ST3GAL6: variants seen among roughly 807,000 people sequenced by gnomAD.
ST3GAL6 encodes type 2 lactosamine alpha-2,3-sialyltransferase.
In ST3GAL6, 31 loss-of-function variants were observed where a neutral mutation model predicts 40.5. The observed-to-expected ratio is 0.77, with a 90% CI of 0.58 to 1.03. ST3GAL6 has a LOEUF of 1.03. ST3GAL6 is among the 50% of genes least tolerant of loss of function. The probability of loss-of-function intolerance (pLI) is 0.00; values close to 1 mark genes in which losing one functional copy is unlikely to be tolerated. For missense variants in ST3GAL6, 357 were observed against 393.2 expected (o/e 0.91, Z 0.78); for synonymous variants, 129 against 136.9 (o/e 0.94, Z 0.40).
chr3:98,769,858 C>T (rs1410760679), intron 2 of ST3GAL6, among the ~76,000 whole-genome samples: 2 of 152,156 alleles, frequency 1.3e-5, no homozygotes, highest in Non-Finnish European at 2.9e-5. Flanking sequence ...ATAATATCTT[C>T]ATGTTATCCT....
At chr3:98,761,223 T>A (rs1937722263), upstream of ST3GAL6, among the ~76,000 whole-genome samples, 1 of 152,218 alleles carries the variant, frequency 6.6e-6, no homozygotes, top group African/African-American at 2.4e-5. Context: ...GGCAGGAGGA[T>A]TACTTGAGCC....
At chr3:98,782,362 C>T (rs1940215210) in intron 5 of ST3GAL6, 2 of 698,098 alleles carry the variant, frequency 2.9e-6, no homozygotes, top group African/African-American at 1.8e-5. Flanking sequence ...GGGAAAATAT[C>T]AGCAATATGA....
At chr3:98,757,348 T>G (rs1937504106) in intron 1 of ST3GAL6, among the ~76,000 whole-genome samples, 1 of 152,218 alleles carries the variant, frequency 6.6e-6, no homozygotes, top group Admixed American at 6.5e-5. Context: ...AAGCTCTTGC[T>G]TGTTCCTATT....
intron 3 of ST3GAL6, 179 bp downstream of exon 3, chr3:98,771,135 A>G (rs543695845): frequency 6.6e-7 from 1 of 1,507,740 alleles, no homozygotes; most frequent in Admixed American, 2.0e-5. Context: ...AGCTCTGCAT[A>G]TATTTTAAGA....
At chr3:98,782,413 T>C in intron 5 of ST3GAL6, 1 of 648,220 alleles carries the variant, frequency 1.5e-6, no homozygotes, top group African/African-American at 1.8e-5. Flanking sequence ...GGCTGTACCA[T>C]GACTCTCACA....
Position 98,795,658 on chromosome 3 carries a change from G to GGCGGGGGGA in ST3GAL6, c.*1901_*1909dup. 1 of 152,190 alleles carries GGCGGGGGGA rather than the reference G, an allele frequency of 6.6e-6. No individual in the cohort carries two copies. The highest frequency in any genetic ancestry group is 2.1e-4 in the South Asian group (1 of 4,818). The allele number at this position is 152,190 out of a possible 1,614,324, so 9.4% of individuals were successfully genotyped here. ...GGGAACGATAGACACTGAGGACTGC[G>GGCGGGGGGA]GCGGGGGGAGCGAGGGGAGCGGGGA... is the stretch of plus-strand genomic sequence containing the variant. On this transcript the variant is annotated 3_prime_UTR_variant, in exon 10 of 10. Transcript: ENST00000483910.
At chr3:98,736,140 G>T (rs1576014226) in intron 1 of ST3GAL6, among the ~76,000 whole-genome samples, 1 of 152,152 alleles carries the variant, frequency 6.6e-6, no homozygotes, top group Non-Finnish European at 1.5e-5. Flanking sequence ...ACAAACTTTT[G>T]TATCTGACCA....
At chr3:98,762,864 A>G (rs906511481), upstream of ST3GAL6, 6 of 985,306 alleles carry the variant, frequency 6.1e-6, no homozygotes, top group Admixed American at 6.1e-5. Flanking sequence ...TTTCATCCTT[A>G]TGTGAAAAAG....
chr3:98,771,920 G>C (rs201182069), intron 3 of ST3GAL6, among the ~76,000 whole-genome samples: 1 of 151,094 alleles, frequency 6.6e-6, no homozygotes, highest in African/African-American at 2.4e-5. Context: ...GAAAAAAAAA[G>C]AATTTTTACC....
intron 1 of ST3GAL6, among the ~76,000 whole-genome samples, chr3:98,743,870 C>T (rs376545052): frequency 7.2e-5 from 11 of 152,078 alleles, no homozygotes; most frequent in African/African-American, 2.2e-4. Flanking sequence ...GGCACCCCAA[C>T]GAGGGTGTAA....
chr3:98,773,446 T>G (rs561004689), intron 4 of ST3GAL6: 1 of 153,774 alleles, frequency 6.5e-6, no homozygotes, highest in Non-Finnish European at 1.4e-5. Flanking sequence ...AGCATTAAGT[T>G]CTAGATTTTT....
At chr3:98,751,213 TG>T (rs1936986367) in intron 1 of ST3GAL6, among the ~76,000 whole-genome samples, 1 of 152,176 alleles carries the variant, frequency 6.6e-6, no homozygotes, top group African/African-American at 2.4e-5. Context: ...CGTCCCAGAC[TG>T]AATAATCTTA....
chr3:98,739,387 AC>A (rs59238112), intron 1 of ST3GAL6, among the ~76,000 whole-genome samples: 5 of 143,864 alleles, frequency 3.5e-5, no homozygotes, highest in East Asian at 4.0e-4. Flanking sequence ...AAACAAACAA[AC>A]AAAAAAAAAA....
intron 1 of ST3GAL6, chr3:98,732,636 C>T: frequency 2.1e-6 from 1 of 486,020 alleles, no homozygotes; most frequent in Non-Finnish European, 3.6e-6. Context: ...TTGGGGGCGG[C>T]CACCGTGCAA....
chr3:98,753,417 A>G (rs150954778), intron 1 of ST3GAL6, among the ~76,000 whole-genome samples: 1 of 152,378 alleles, frequency 6.6e-6, no homozygotes, highest in Non-Finnish European at 1.5e-5. Flanking sequence ...AGAGGCTGCA[A>G]CAAGTTATCC....
At chr3:98,756,532 A>G (rs1175280611) in intron 1 of ST3GAL6, 7 of 1,262,826 alleles carry the variant, frequency 5.5e-6, no homozygotes, top group Middle Eastern at 2.3e-4. Flanking sequence ...CAGATTCTTA[A>G]AAGTGCAGGT....
chr3:98,759,023 A>C (rs1042889993), upstream of ST3GAL6, among the ~76,000 whole-genome samples: 1 of 152,226 alleles, frequency 6.6e-6, no homozygotes, highest in African/African-American at 2.4e-5. Context: ...CTGATTGTCA[A>C]GCAAACAATC....
intron 1 of ST3GAL6, among the ~76,000 whole-genome samples, chr3:98,765,439 A>C (rs1938223808): frequency 6.6e-6 from 1 of 152,196 alleles, no homozygotes; most frequent in Non-Finnish European, 1.5e-5. Flanking sequence ...CCCATCTAAC[A>C]AGCTTATTTT....
At chr3:98,760,572 A>G (rs1277290877), upstream of ST3GAL6, among the ~76,000 whole-genome samples, 1 of 152,192 alleles carries the variant, frequency 6.6e-6, no homozygotes, top group Non-Finnish European at 1.5e-5. Flanking sequence ...AGTGATTTGT[A>G]TTATTCAATA....
Sources: allele counts gnomAD v4.1 joint callset (sites outside exome capture counted in the v4.1 genomes callset), GRCh38; gene constraint gnomAD v4.1.1; transcripts MANE v1.5; gene names NCBI Gene and HGNC (gene_info 2026-07-23, HGNC 2026-07-21).